TANC2: variants seen among roughly 807,000 people sequenced by gnomAD.
TANC2 encodes protein TANC2.
Under a neutral mutation model 210.5 loss-of-function variants are expected in TANC2, and 26 were observed. The ratio of observed to expected loss-of-function variants is 0.12; its 90% CI spans 0.09 to 0.17. The LOEUF (loss-of-function observed/expected upper bound fraction) is 0.17. Ranked by LOEUF, TANC2 falls within the 10% of genes least tolerant of loss-of-function variation. The pLI, the probability that TANC2 is intolerant of heterozygous loss-of-function variation, is 1.00. For synonymous variants in TANC2, 931 were observed against 967.1 expected (o/e 0.96, Z 0.69); for missense variants, 2,129 against 2,608.9 (o/e 0.82, Z 4.01).
At position 63,416,223 on chromosome 17, in the gene TANC2, C is replaced by T. The variant is rs148984674; in HGVS notation, c.4167+549C>T. 3.0e-4 allele frequency among the ~76,000 whole-genome samples: 46 copies of T among 152,258 alleles called. 1 individual carries two copies. In the East Asian group the frequency reaches 7.9e-3, roughly 26 times the overall value. On this transcript the variant is annotated intron_variant, in intron 26 of 27. Coordinates refer to ENST00000689528, the Ensembl canonical transcript of TANC2. ...CTCAGAACTCCCCCTGGACCTTTAT[C>T]GTCTCCCTGGTAAGCCACGGTCCTT...
chr17:63,368,537 T>G (rs2047174303), intron 14 of TANC2, among the ~76,000 whole-genome samples: 1 of 152,136 alleles, frequency 6.6e-6, no homozygotes, highest in Non-Finnish European at 1.5e-5. Context: ...AAGAAGATGA[T>G]GAGCCAAATA....
rs981628264 is a variant in TANC2, at chr17:63,280,659, C to G, written c.1159+12786C>G. Among the ~76,000 whole-genome samples the G allele has an allele frequency of 1.2e-4, 18 of 152,004 alleles. 1 individual carries two copies. The highest frequency in any genetic ancestry group is 1.9e-4 in the Non-Finnish European group (13 of 67,986). ...CCACTAAAAATGACTTGTTTAAATACATCTGTTACTTCTTTGTCTGATTCT... is the reference window on the plus strand; with the variant it reads ...CCACTAAAAATGACTTGTTTAAATAGATCTGTTACTTCTTTGTCTGATTCT... On this transcript the variant is annotated intron_variant, in intron 9 of 27. Coordinates refer to ENST00000689528, the Ensembl canonical transcript of TANC2.
At chr17:63,203,758 A>T (rs1159210866) in intron 7 of TANC2, among the ~76,000 whole-genome samples, 1 of 152,162 alleles carries the variant, frequency 6.6e-6, no homozygotes, top group African/African-American at 2.4e-5. Flanking sequence ...AGAGCAGGGA[A>T]TTGGAAGTGG....
At chr17:63,410,401 C>T (rs1323511124) in intron 21 of TANC2, among the ~76,000 whole-genome samples, 1 of 141,696 alleles carries the variant, frequency 7.1e-6, no homozygotes, top group Non-Finnish European at 1.5e-5. Flanking sequence ...ATGAATTTAA[C>T]TTTATTAGAT....
chr17:63,288,551 G>A (rs1039206005), intron 9 of TANC2, among the ~76,000 whole-genome samples: 17 of 152,080 alleles, frequency 1.1e-4, no homozygotes, highest in South Asian at 2.1e-4. Flanking sequence ...TGATGGTATC[G>A]TTGAGTTCAA....
chr17:63,322,564 A>G (rs1310955377), intron 11 of TANC2, among the ~76,000 whole-genome samples: 3 of 152,258 alleles, frequency 2.0e-5, no homozygotes, highest in Non-Finnish European at 4.4e-5. Flanking sequence ...CCAGCACTTC[A>G]GTTATTCAGT....
intron 7 of TANC2, among the ~76,000 whole-genome samples, chr17:63,236,876 C>T (rs1017672401): frequency 5.3e-5 from 8 of 152,136 alleles, no homozygotes; most frequent in Non-Finnish European, 8.8e-5. Context: ...TACCACATTT[C>T]TTTATCCATT....
At chr17:63,404,591 A>G (rs1311975732) in intron 19 of TANC2, among the ~76,000 whole-genome samples, 3 of 152,240 alleles carry the variant, frequency 2.0e-5, no homozygotes, top group African/African-American at 7.2e-5. Context: ...TTCTGTATCA[A>G]CTAATGAAGA....
chr17:63,126,090 C>A (rs2038697301), intron 4 of TANC2, among the ~76,000 whole-genome samples: 1 of 152,180 alleles, frequency 6.6e-6, no homozygotes, highest in African/African-American at 2.4e-5. Context: ...TGACTTTGAA[C>A]AGTTTTGATC....
intron 19 of TANC2, among the ~76,000 whole-genome samples, chr17:63,399,898 A>G (rs532815166): frequency 6.6e-6 from 1 of 152,198 alleles, no homozygotes; most frequent in Non-Finnish European, 1.5e-5. Flanking sequence ...TGCTTCTCGA[A>G]TAATCCCTCC....
rs375048190 is a variant in TANC2 at position 63,395,706 on chromosome 17, T to A, written c.3052-37T>A. 3 of 1,596,584 alleles carry A rather than the reference T, an allele frequency of 1.9e-6. No homozygotes were observed. The African/African-American group carries it at 4.0e-5, about 21-fold the overall frequency. On this transcript the variant is annotated intron_variant, in intron 17 of 27. Coordinates refer to ENST00000689528, the Ensembl canonical transcript of TANC2. ...ACTAGATTGCGAGCTCAGCCACAAG[T>A]CTGTGTTCACACATATCTCCTGTCC...
intron 2 of TANC2, among the ~76,000 whole-genome samples, chr17:63,039,086 T>C (rs2035083569): frequency 6.6e-6 from 1 of 152,158 alleles, no homozygotes; most frequent in African/African-American, 2.4e-5. Flanking sequence ...TGATGAAAGG[T>C]ATGGGAGGAA....
At chr17:63,085,331 G>A (rs999740434) in intron 3 of TANC2, among the ~76,000 whole-genome samples, 1 of 152,000 alleles carries the variant, frequency 6.6e-6, no homozygotes, top group Admixed American at 6.6e-5. Flanking sequence ...TATTGATATA[G>A]TTGGATTATT....
intron 1 of TANC2, among the ~76,000 whole-genome samples, chr17:62,984,294 A>G (rs185900487): frequency 6.6e-6 from 1 of 152,078 alleles, no homozygotes; most frequent in Admixed American, 6.5e-5. Context: ...GATTCTTTGT[A>G]TTTCCGTGGT....
chr17:63,071,655 AT>A (rs1051383002), intron 2 of TANC2, among the ~76,000 whole-genome samples: 2 of 151,174 alleles, frequency 1.3e-5, no homozygotes, highest in Middle Eastern at 3.4e-3. Flanking sequence ...TGGGAAAAAC[AT>A]TTTTTTTTCT....
At chr17:63,184,997 G>A (rs374690358) in intron 5 of TANC2, among the ~76,000 whole-genome samples, 167 of 150,732 alleles carry the variant, frequency 1.1e-3, no homozygotes, top group African/African-American at 3.9e-3. Context: ...TGGAGGGGGG[G>A]TTGGGGACAG....
intron 2 of TANC2, among the ~76,000 whole-genome samples, chr17:63,071,291 A>AT (rs565900390): frequency 1.1e-4 from 17 of 148,810 alleles, no homozygotes; most frequent in Admixed American, 2.7e-4. Flanking sequence ...AGAGTGTAGA[A>AT]TTTTTTTTTT....
intron 1 of TANC2, chr17:63,004,592 TAA>T (rs60120400): frequency 0.036 from 5,573 of 152,908 alleles, 80 homozygotes; most frequent in African/African-American, 0.069. Flanking sequence ...AGCATAGCTT[TAA>T]AAAAAAAAAA....
At chr17:63,302,797 T>C (rs1044240146) in intron 9 of TANC2, among the ~76,000 whole-genome samples, 2 of 151,874 alleles carry the variant, frequency 1.3e-5, no homozygotes, top group African/African-American at 2.4e-5. Flanking sequence ...GGAGTCTTGC[T>C]CTGTTGCCCA....
Sources: allele counts gnomAD v4.1 joint callset (sites outside exome capture counted in the v4.1 genomes callset), GRCh38; gene constraint gnomAD v4.1.1; transcripts MANE v1.5; gene names NCBI Gene and HGNC (gene_info 2026-07-23, HGNC 2026-07-21).